The following SLC23A2 variants were observed in gnomAD, a reference collection of about 807,000 sequenced individuals.
SLC23A2 encodes Na(+)/L-ascorbic acid transporter 2.
In SLC23A2, 36 loss-of-function variants were observed where a neutral mutation model predicts 73.3. The ratio of observed to expected loss-of-function variants is 0.49; its 90% CI spans 0.38 to 0.65. The LOEUF is 0.65. SLC23A2 is among the 30% of genes least tolerant of loss of function. SLC23A2 has a pLI of 0.00. For synonymous variants in SLC23A2, 343 were observed against 327.3 expected (o/e 1.05, Z -0.52); for missense variants, 507 against 841.6 (o/e 0.60, Z 4.92).
At chr20:4,917,499 A>G (rs1932365540) in intron 3 of SLC23A2, among the ~76,000 whole-genome samples, 1 of 152,168 alleles carries the variant, frequency 6.6e-6, no homozygotes, top group South Asian at 2.1e-4. Flanking sequence ...TGGAGGTGCC[A>G]GTCCCAAAGA....
At chr20:4,859,839 G>A (rs1929888105) in intron 15 of SLC23A2, among the ~76,000 whole-genome samples, 1 of 152,210 alleles carries the variant, frequency 6.6e-6, no homozygotes, top group African/African-American at 2.4e-5. Context: ...GTGCTTAGCT[G>A]CTTTTAATCA....
At chr20:4,869,210 G>C (rs1930328202) in intron 12 of SLC23A2, 1 of 152,090 alleles carries the variant, frequency 6.6e-6, no homozygotes, top group Admixed American at 6.6e-5. Flanking sequence ...GAGGTGGGAG[G>C]ATTGCTTGAG....
intron 2 of SLC23A2, among the ~76,000 whole-genome samples, chr20:4,946,543 A>G (rs996074501): frequency 7.9e-5 from 12 of 152,204 alleles, no homozygotes; most frequent in African/African-American, 2.9e-4. Flanking sequence ...CAACTGACAG[A>G]ATGAAACAAG....
chr20:4,930,326 C>T (rs1932775360), intron 3 of SLC23A2, among the ~76,000 whole-genome samples: 1 of 152,196 alleles, frequency 6.6e-6, no homozygotes, highest in South Asian at 2.1e-4. Flanking sequence ...GGACTGATGC[C>T]TCTTCCCCTA....
chr20:4,858,819 C>G (rs1929839360), intron 16 of SLC23A2, among the ~76,000 whole-genome samples: 1 of 152,168 alleles, frequency 6.6e-6, no homozygotes, highest in Non-Finnish European at 1.5e-5. Flanking sequence ...CTGATCTCAG[C>G]CTTTGCCCAT....
At chr20:4,858,623 G>A (rs1809649046) in intron 16 of SLC23A2, among the ~76,000 whole-genome samples, 1 of 152,086 alleles carries the variant, frequency 6.6e-6, no homozygotes, top group Non-Finnish European at 1.5e-5. Context: ...TTGAAGGCAG[G>A]GAAATCTGCC....
intron 15 of SLC23A2, 27 bp downstream of exon 15, chr20:4,861,921 T>A (rs1257000884): frequency 1.9e-6 from 3 of 1,611,420 alleles, no homozygotes; most frequent in Non-Finnish European, 2.5e-6. Context: ...CAGCTCCCAC[T>A]CCAAGATGTA....
At chr20:4,946,159 G>A (rs1272743254) in intron 2 of SLC23A2, among the ~76,000 whole-genome samples, 1 of 152,122 alleles carries the variant, frequency 6.6e-6, no homozygotes, top group African/African-American at 2.4e-5. Context: ...TGTTTTAAAG[G>A]AAGCCAGATA....
intron 4 of SLC23A2, among the ~76,000 whole-genome samples, chr20:4,905,682 C>T (rs935520120): frequency 6.6e-6 from 1 of 152,156 alleles, no homozygotes; most frequent in Non-Finnish European, 1.5e-5. Flanking sequence ...TAGTCTAGCA[C>T]CTTTGGGGTC....
At chr20:4,865,660 AT>A (rs1204050293) in intron 13 of SLC23A2, among the ~76,000 whole-genome samples, 2 of 151,916 alleles carry the variant, frequency 1.3e-5, no homozygotes, top group Non-Finnish European at 2.9e-5. Flanking sequence ...ATCTACAACA[AT>A]TTTACTCCTA....
At chr20:4,859,264 A>AATT in intron 16 of SLC23A2, 25 bp downstream of exon 16, 1 of 1,345,092 alleles carries the variant, frequency 7.4e-7, no homozygotes, top group Non-Finnish European at 1.0e-6. Context: ...AAAAAAAAAA[A>AATT]GTGTGTTTGA....
In SLC23A2 at chr20:4,984,008, G is replaced by A. The variant is rs183867908; in HGVS notation, c.-281-13089C>T. ...AAAGTGAAAAAGAATCTTACAGAAA[G>A]AGGAAAAAATATTTGCAAATTACAT... On this transcript the variant is annotated intron_variant, in intron 1 of 16. Transcript: ENST00000338244. Among the ~76,000 whole-genome samples the A allele has an allele frequency of 8.5e-3, 1,280 of 151,458 alleles. 48 individuals are homozygous for A. In the South Asian group the frequency reaches 0.14, roughly 16 times the overall value.
chr20:4,939,089 T>A (rs2087003404), intron 2 of SLC23A2, among the ~76,000 whole-genome samples: 1 of 152,028 alleles, frequency 6.6e-6, no homozygotes, highest in South Asian at 2.1e-4. Flanking sequence ...AAAAAAAAAT[T>A]AAGGTAAAAT....
chr20:4,929,698 T>C (rs1223695029), intron 3 of SLC23A2, among the ~76,000 whole-genome samples: 1 of 151,992 alleles, frequency 6.6e-6, no homozygotes, highest in Non-Finnish European at 1.5e-5. Flanking sequence ...GTTAACCAAA[T>C]AAAAATTTTA....
At chr20:4,909,737 A>T (rs1177463231) in intron 4 of SLC23A2, among the ~76,000 whole-genome samples, 1 of 152,076 alleles carries the variant, frequency 6.6e-6, no homozygotes, top group Non-Finnish European at 1.5e-5. Context: ...TTGTATTTTT[A>T]GTAGAGACGG....
intron 1 of SLC23A2, among the ~76,000 whole-genome samples, chr20:4,981,976 C>T (rs1238603135): frequency 6.6e-6 from 1 of 151,820 alleles, no homozygotes; most frequent in Non-Finnish European, 1.5e-5. Context: ...GCTGGGATTA[C>T]AGGCATGAGC....
chr20:4,853,857 A>G lies in SLC23A2; in HGVS notation c.*3115T>C, dbSNP rs1182815184. On this transcript the variant is annotated 3_prime_UTR_variant, in exon 17 of 17. Coordinates refer to ENST00000338244, the MANE Select transcript of SLC23A2 (RefSeq NM_005116.6). Reference sequence around the variant, plus strand: ...AAATCCTCTTGAGGATTCTGAAAGTAAATGTATCTGTGAATCTACATTTAA... The same window carrying G: ...AAATCCTCTTGAGGATTCTGAAAGTGAATGTATCTGTGAATCTACATTTAA... 6.6e-6 allele frequency: 1 copy of G among 152,268 alleles called. No individual in the cohort carries two copies. Among genetic ancestry groups the G allele is most frequent in the East Asian group, 1.9e-4 (1 of 5,204 alleles). 9.4% of individuals were successfully genotyped at this position (152,268 alleles called of 1,614,324 possible).
Position 4,883,545 on chromosome 20 carries a change from A to C in SLC23A2, c.824+97T>G, listed in dbSNP as rs1930976107. The stretch of plus-strand genomic sequence containing the variant: ...CAAATAAAGTTGAAACTGTCAGACC[A>C]TTCTTATTATTGAAAAACATTATCT... On this transcript the variant is annotated intron_variant, in intron 9 of 16. Transcript: ENST00000338244. This position sits in a 1 kb window ranked among gnomAD's most constrained non-coding sequence, Gnocchi z 4.5. 3 of 899,424 alleles carry C rather than the reference A, an allele frequency of 3.3e-6. No homozygotes were observed. In the South Asian group the frequency reaches 5.5e-5, roughly 17 times the overall value. The allele number at this position is 899,424 out of a possible 1,614,324, so 55.7% of individuals were successfully genotyped here.
chr20:4,988,324 G>A (rs776619507), intron 1 of SLC23A2, among the ~76,000 whole-genome samples: 15 of 150,728 alleles, frequency 1.0e-4, no homozygotes, highest in Admixed American at 8.7e-4. Context: ...GTAGCTGACC[G>A]TGTGTGGTGG....
Sources: gnomAD v4.1 joint callset for allele counts (sites outside exome capture counted in the v4.1 genomes callset) on GRCh38, gnomAD v4.1.1 for gene constraint, Gnocchi (gnomAD v3.1) non-coding constraint, MANE v1.5 for transcripts, NCBI Gene and HGNC (gene_info 2026-07-23, HGNC 2026-07-21) for gene names.